Variants in MAP2 observed in about 807,000 individuals in gnomAD.
MAP2 encodes microtubule associated protein 2, also known as microtubule-associated protein 2.
MAP2 carries 14 observed loss-of-function variants against 137.6 expected under a neutral mutation model. That is an observed-to-expected ratio of 0.10 (90% CI 0.07 to 0.16). MAP2 has a LOEUF of 0.16. MAP2 is among the 10% of genes least tolerant of loss of function. The probability of loss-of-function intolerance (pLI) is 1.00; values close to 1 mark genes in which losing one functional copy is unlikely to be tolerated. For missense variants in MAP2, 2,088 were observed against 2,191.5 expected, an observed-to-expected ratio of 0.95 and a Z score of 0.94; for synonymous variants, 786 against 782.3, an observed-to-expected ratio of 1.00 and a Z score of -0.08.
chr2:209,564,523 C>T (rs2072937500), intron 2 of MAP2, among the ~76,000 whole-genome samples: 1 of 146,580 alleles, frequency 6.8e-6, no homozygotes, highest in Non-Finnish European at 1.5e-5. Context: ...AAGGTGAGGC[C>T]CAGAATCTGT....
At chr2:209,507,755 A>G (rs752766116) in intron 2 of MAP2, 114 bp downstream of exon 2, 7 of 152,144 alleles carry the variant, frequency 4.6e-5, no homozygotes, top group African/African-American at 7.2e-5. Flanking sequence ...AGAAGCTCAA[A>G]TTTAGTAAAA....
rs567584518 is a variant in MAP2, at chr2:209,679,316, C to G, written c.376+631C>G. ...CACTCTCAGCCAAAGCCTTGCTGCC[C>G]CTACTCATAGATAGATAGATAGATA... is the stretch of plus-strand genomic sequence containing the variant. On this transcript the variant is annotated intron_variant, in intron 6 of 15. Coordinates refer to ENST00000682079, the MANE Select transcript of MAP2 (RefSeq NM_001375505.1). Among the ~76,000 whole-genome samples the G allele has an allele frequency of 3.3e-3, 477 of 146,170 alleles. 2 individuals are homozygous for G. Among genetic ancestry groups the G allele is most frequent in the African/African-American group, 0.011 (461 of 40,188 alleles).
At chr2:209,488,588 C>T (rs897491501) in intron 1 of MAP2, among the ~76,000 whole-genome samples, 1 of 152,096 alleles carries the variant, frequency 6.6e-6, no homozygotes, top group Non-Finnish European at 1.5e-5. Flanking sequence ...CTGGGATGCT[C>T]GAGCTTGGTG....
chr2:209,630,277 C>T lies in MAP2; in HGVS notation c.-30+5148C>T, dbSNP rs142732813. On this transcript the variant is annotated intron_variant, in intron 4 of 15. Transcript: ENST00000682079. The stretch of plus-strand genomic sequence containing the variant: ...GCCAGGAACTAAGGCCACCATTCTC[C>T]CAATCTCTCTGGGGCTCCTCAGCCC... Among the ~76,000 whole-genome samples the T allele has an allele frequency of 2.4e-3, 367 of 151,936 alleles. 2 individuals carry two copies. Among genetic ancestry groups the T allele is most frequent in the African/African-American group, 8.4e-3 (348 of 41,524 alleles).
At chr2:209,638,719 A>G (rs1394326677) in intron 4 of MAP2, among the ~76,000 whole-genome samples, 2 of 152,104 alleles carry the variant, frequency 1.3e-5, no homozygotes, top group African/African-American at 2.4e-5. Context: ...TGTAGTACCT[A>G]TTTTATCCTC....
At chr2:209,655,104 A>G (rs1259823362) in intron 5 of MAP2, among the ~76,000 whole-genome samples, 1 of 152,218 alleles carries the variant, frequency 6.6e-6, no homozygotes, top group Non-Finnish European at 1.5e-5. Flanking sequence ...TTGTCAAGTC[A>G]GTGTATTATC....
chr2:209,693,733 G>A lies in MAP2; in HGVS notation c.1563G>A (p.Met521Ile), dbSNP rs2059527342. Residue 521 changes from methionine to isoleucine, a missense_variant, in exon 8 of 16, where the codon ATG (methionine) becomes ATA (isoleucine). Around this residue, in one of 6 missense-constraint regions of MAP2, gnomAD observed 859 missense variants for 794.5 expected, o/e 1.08. Transcript: ENST00000682079. Reference protein sequence around the residue: ...AMTSKTLEKAMTEPSALIEKS... With the variant: ...AMTSKTLEKAITEPSALIEKS... ...CCTCTAAAACACTGGAGAAAGCCATGACCGAACCATCTGCATTAATTGAAA... is the reference window on the plus strand; with the variant it reads ...CCTCTAAAACACTGGAGAAAGCCATAACCGAACCATCTGCATTAATTGAAA... 8 of 1,613,270 alleles carry A rather than the reference G, an allele frequency of 5.0e-6. No individual in the cohort carries two copies. Among genetic ancestry groups the A allele is most frequent in the Non-Finnish European group, 6.8e-6 (8 of 1,179,834 alleles).
intron 1 of MAP2, among the ~76,000 whole-genome samples, chr2:209,453,903 G>C (rs370731056): frequency 9.9e-5 from 15 of 152,204 alleles, no homozygotes; most frequent in African/African-American, 3.6e-4. Flanking sequence ...TGTAATCCCA[G>C]AACTTTGGGA....
chr2:209,435,166 G>C (rs1258976360), intron 1 of MAP2, among the ~76,000 whole-genome samples: 4 of 151,048 alleles, frequency 2.6e-5, no homozygotes, highest in African/African-American at 9.7e-5. Context: ...TTGTGCTATA[G>C]AATATCAAAT....
intron 3 of MAP2, among the ~76,000 whole-genome samples, chr2:209,582,502 A>G (rs937963896): frequency 2.6e-5 from 4 of 152,168 alleles, no homozygotes; most frequent in African/African-American, 7.2e-5. Context: ...GACATTGTTT[A>G]TTGCTTTTCA....
chr2:209,447,401 G>A (rs1405028734), intron 1 of MAP2, among the ~76,000 whole-genome samples: 1 of 151,810 alleles, frequency 6.6e-6, no homozygotes, highest in Admixed American at 6.6e-5. Context: ...GGTCTGTTTG[G>A]GCTCAGACTT....
At chr2:209,591,278 C>T (rs1182294577) in intron 3 of MAP2, among the ~76,000 whole-genome samples, 1 of 152,138 alleles carries the variant, frequency 6.6e-6, no homozygotes, top group Non-Finnish European at 1.5e-5. Flanking sequence ...TGGATTGTCA[C>T]CACTGGAGCA....
chr2:209,700,183 G>A (rs2061407154), intron 10 of MAP2, 94 bp from the exon 11 acceptor site: 2 of 1,000,732 alleles, frequency 2.0e-6, no homozygotes, highest in East Asian at 2.4e-5. Context: ...GCATTAGTCT[G>A]TTGACACAAC....
At chr2:209,656,411 A>C (rs2095150081) in intron 5 of MAP2, among the ~76,000 whole-genome samples, 2 of 152,072 alleles carry the variant, frequency 1.3e-5, no homozygotes, top group Admixed American at 6.6e-5. Context: ...CAAGAGGCAA[A>C]GGTGGGAGGA....
At chr2:209,612,029 G>C (rs2087081408) in intron 3 of MAP2, among the ~76,000 whole-genome samples, 1 of 152,146 alleles carries the variant, frequency 6.6e-6, no homozygotes, top group African/African-American at 2.4e-5. Flanking sequence ...GGTCTGTTAG[G>C]TTGCTTTAAG....
chr2:209,436,689 T>C (rs1409174392), intron 1 of MAP2, among the ~76,000 whole-genome samples: 1 of 151,752 alleles, frequency 6.6e-6, no homozygotes, highest in Admixed American at 6.6e-5. Flanking sequence ...AGTCAGAGCA[T>C]GTTAGATACT....
intron 1 of MAP2, among the ~76,000 whole-genome samples, chr2:209,429,839 G>A (rs1693763830): frequency 6.6e-6 from 1 of 152,038 alleles, no homozygotes; most frequent in Non-Finnish European, 1.5e-5. Context: ...TTAATGCATG[G>A]TGCTGAAATT....
At chr2:209,652,095 T>C (rs1315842082) in intron 4 of MAP2, among the ~76,000 whole-genome samples, 1 of 152,166 alleles carries the variant, frequency 6.6e-6, no homozygotes, top group Non-Finnish European at 1.5e-5. Context: ...TAAGGCTGCA[T>C]GGTGGGCAAC....
At chr2:209,585,343 A>G (rs2077439768) in intron 3 of MAP2, among the ~76,000 whole-genome samples, 1 of 152,106 alleles carries the variant, frequency 6.6e-6, no homozygotes, top group Non-Finnish European at 1.5e-5. Context: ...CTGAAGAATG[A>G]GAATAAAGAA....
Sources: allele counts gnomAD v4.1 joint callset (sites outside exome capture counted in the v4.1 genomes callset), GRCh38; gene constraint gnomAD v4.1.1; regional missense constraint gnomAD v4.1.1; transcripts MANE v1.5; gene names NCBI Gene and HGNC (gene_info 2026-07-23, HGNC 2026-07-21).